Variants in LYPD6B observed in about 807,000 individuals in gnomAD.
LYPD6B encodes the protein ly6/PLAUR domain-containing protein 6B.
Under a neutral mutation model 22.8 loss-of-function variants are expected in LYPD6B, and 17 were observed. That is an observed-to-expected ratio of 0.75 (90% CI 0.51 to 1.12). The LOEUF (loss-of-function observed/expected upper bound fraction) is 1.12, where lower values mean the gene tolerates loss of function less well. LYPD6B is among the 50% of genes most tolerant of loss of function. LYPD6B has a pLI of 0.00. For missense variants in LYPD6B, 221 were observed against 258.3 expected (o/e 0.86, Z 0.99); for synonymous variants, 106 against 91.6 (o/e 1.16, Z -0.90).
rs75892001 is a variant in LYPD6B at position 149,128,836 on chromosome 2, A to C, written c.-66-2047A>C. On this transcript the variant is annotated intron_variant, in intron 1 of 6. Transcript: ENST00000409642. ...AATACCAGTAAAGAACATATCACCTACTTTTTCTTTGCTTTTGAGAGACTG... is the reference window on the plus strand; with the variant it reads ...AATACCAGTAAAGAACATATCACCTCCTTTTTCTTTGCTTTTGAGAGACTG... 5.2e-3 allele frequency among the ~76,000 whole-genome samples: 785 copies of C among 152,312 alleles called. 12 individuals are homozygous for C. Among genetic ancestry groups the C allele is most frequent in the African/African-American group, 0.018 (743 of 41,570 alleles).
intron 1 of LYPD6B, among the ~76,000 whole-genome samples, chr2:149,126,571 A>C (rs1218510288): frequency 6.6e-6 from 1 of 151,228 alleles, no homozygotes; most frequent in Non-Finnish European, 1.5e-5. Flanking sequence ...GAGTCAGCTG[A>C]GGAGGAAAAG....
At chr2:149,138,809 A>G (rs1436730544) in intron 2 of LYPD6B, among the ~76,000 whole-genome samples, 1 of 152,184 alleles carries the variant, frequency 6.6e-6, no homozygotes, top group Non-Finnish European at 1.5e-5. Flanking sequence ...TGGCCTCCCA[A>G]AGTGCTAGGA....
intron 3 of LYPD6B, among the ~76,000 whole-genome samples, chr2:149,176,879 A>G (rs988825272): frequency 1.3e-5 from 2 of 152,202 alleles, no homozygotes; most frequent in African/African-American, 4.8e-5. Flanking sequence ...AGTAGCAGCT[A>G]TGCTTTAAAC....
chr2:149,116,261 T>C (rs1687002050), intron 1 of LYPD6B, among the ~76,000 whole-genome samples: 1 of 152,218 alleles, frequency 6.6e-6, no homozygotes, highest in Non-Finnish European at 1.5e-5. Flanking sequence ...ATCATAGGTA[T>C]GTATCTATAG....
At chr2:149,059,442 C>G (rs898129247) in intron 1 of LYPD6B, among the ~76,000 whole-genome samples, 1 of 152,214 alleles carries the variant, frequency 6.6e-6, no homozygotes, top group Non-Finnish European at 1.5e-5. Flanking sequence ...AACACATCAG[C>G]CTTGGCAGAG....
chr2:149,132,381 A>G (rs1462718461), intron 2 of LYPD6B, among the ~76,000 whole-genome samples: 3 of 151,538 alleles, frequency 2.0e-5, no homozygotes, highest in Admixed American at 6.6e-5. Flanking sequence ...GGAAAGGGAC[A>G]TAGAAAAGTA....
intron 1 of LYPD6B, among the ~76,000 whole-genome samples, chr2:149,107,838 G>C (rs1466802326): frequency 6.6e-6 from 1 of 152,132 alleles, no homozygotes; most frequent in African/African-American, 2.4e-5. Flanking sequence ...TGTGTATTCT[G>C]CTTTGAAAGG....
rs531387125 is a variant in LYPD6B, at chr2:149,159,267, A to G, written c.6-1497A>G. On this transcript the variant is annotated intron_variant, in intron 2 of 6. Coordinates refer to ENST00000409642, the MANE Select transcript of LYPD6B (RefSeq NM_177964.5). The stretch of plus-strand genomic sequence containing the variant: ...TTAACACCTTGGAAGAAATTTCTCA[A>G]TGACACAAAGCTAACACTCTTGAGG... 4.9e-4 allele frequency among the ~76,000 whole-genome samples: 74 copies of G among 152,302 alleles called. No individual in the cohort carries two copies. The South Asian group carries it at 7.1e-3, about 15-fold the overall frequency.
At chr2:149,098,643 A>AAAAAAAAAAAG (rs57783804) in intron 1 of LYPD6B, among the ~76,000 whole-genome samples, 3 of 130,982 alleles carry the variant, frequency 2.3e-5, no homozygotes, top group Admixed American at 8.1e-5. Flanking sequence ...AAAAAAAAAA[A>AAAAAAAAAAAG]AAAAAAGAAA....
intron 1 of LYPD6B, among the ~76,000 whole-genome samples, chr2:149,084,807 C>T (rs1685312284): frequency 6.6e-6 from 1 of 152,144 alleles, no homozygotes; most frequent in Admixed American, 6.6e-5. Context: ...CTTAGTCCAC[C>T]TTTCCCATAG....
In LYPD6B at chr2:149,062,732, G is replaced by T. The variant is rs189520240; in HGVS notation, c.-67+23931G>T. Among the ~76,000 whole-genome samples, 368 of 152,132 alleles carry T rather than the reference G, an allele frequency of 2.4e-3. 4 individuals carry two copies. The highest frequency in any genetic ancestry group is 8.6e-3 in the African/African-American group (358 of 41,516). On this transcript the variant is annotated intron_variant, in intron 1 of 6. Coordinates refer to ENST00000409642, the MANE Select transcript of LYPD6B (RefSeq NM_177964.5). ...AAATAGGGCCAGATAATGACAAATC[G>T]TTGCTATGCAAATGAAAAGAAAGAT...
intron 1 of LYPD6B, among the ~76,000 whole-genome samples, chr2:149,100,416 C>CAA (rs58068035): frequency 0.024 from 1,618 of 67,946 alleles, 97 homozygotes; most frequent in African/African-American, 0.053. Context: ...TTGGCTTTGA[C>CAA]AAAAAAAAAA....
At chr2:149,137,164 T>A (rs570315397) in intron 2 of LYPD6B, among the ~76,000 whole-genome samples, 1 of 152,298 alleles carries the variant, frequency 6.6e-6, no homozygotes, top group South Asian at 2.1e-4. Flanking sequence ...TTTGAACTCT[T>A]ATAGTAATCC....
At chr2:149,159,270 A>G (rs755490825) in intron 2 of LYPD6B, among the ~76,000 whole-genome samples, 3 of 152,148 alleles carry the variant, frequency 2.0e-5, no homozygotes, top group Non-Finnish European at 4.4e-5. Flanking sequence ...TTTCTCAATG[A>G]CACAAAGCTA....
At chr2:149,112,236 T>C (rs1429336320) in intron 1 of LYPD6B, among the ~76,000 whole-genome samples, 1 of 152,182 alleles carries the variant, frequency 6.6e-6, no homozygotes. Flanking sequence ...TCCCTGTAGT[T>C]ACCTCTGAAA....
At chr2:149,211,182 T>C (rs1380193185) in intron 5 of LYPD6B, among the ~76,000 whole-genome samples, 2 of 152,136 alleles carry the variant, frequency 1.3e-5, no homozygotes, top group African/African-American at 4.8e-5. Flanking sequence ...GGGATGGCAC[T>C]AAACCATTCA....
chr2:149,075,442 G>A (rs1684838885), intron 1 of LYPD6B, among the ~76,000 whole-genome samples: 1 of 152,090 alleles, frequency 6.6e-6, no homozygotes, highest in South Asian at 2.1e-4. Flanking sequence ...GGCCAATTTA[G>A]ACTTAATGTG....
intron 1 of LYPD6B, among the ~76,000 whole-genome samples, chr2:149,129,567 A>T (rs1305993228): frequency 6.6e-6 from 1 of 152,200 alleles, no homozygotes; most frequent in Non-Finnish European, 1.5e-5. Context: ...ATAACTGGAG[A>T]TAATCTTTAA....
chr2:149,118,788 T>A lies in LYPD6B; in HGVS notation c.-66-12095T>A, dbSNP rs145956986. 2.4e-4 allele frequency among the ~76,000 whole-genome samples: 37 copies of A among 152,326 alleles called. No homozygotes were observed. In the East Asian group the frequency reaches 6.5e-3, roughly 27 times the overall value. On this transcript the variant is annotated intron_variant, in intron 1 of 6. Coordinates refer to ENST00000409642, the MANE Select transcript of LYPD6B (RefSeq NM_177964.5). ...TATTCAAGATCATGTAGTGAATGGT[T>A]GGGCTGAAATTTGAACCCAGGTCTG...
Sources: allele counts gnomAD v4.1 joint callset (sites outside exome capture counted in the v4.1 genomes callset), GRCh38; gene constraint gnomAD v4.1.1; transcripts MANE v1.5; gene names NCBI Gene and HGNC (gene_info 2026-07-23, HGNC 2026-07-21).